Variants in AKT3 observed in about 807,000 individuals in gnomAD.
AKT3 encodes AKT serine/threonine kinase 3, also known as RAC-gamma serine/threonine-protein kinase.
Under a neutral mutation model 65.3 loss-of-function variants are expected in AKT3, and 15 were observed. That is an observed-to-expected ratio of 0.23 (90% CI 0.15 to 0.35). The LOEUF is 0.35. AKT3 is among the 10% of genes least tolerant of loss of function. AKT3 has a pLI of 1.00. For synonymous variants in AKT3, 206 were observed against 183.8 expected, an observed-to-expected ratio of 1.12 and a Z score of -0.98; for missense variants, 243 against 576.5, an observed-to-expected ratio of 0.42 and a Z score of 5.92.
At chr1:243,536,281 A>C (rs938812571) in intron 12 of AKT3, among the ~76,000 whole-genome samples, 1 of 152,084 alleles carries the variant, frequency 6.6e-6, no homozygotes, top group African/African-American at 2.4e-5. Flanking sequence ...TTGGGGACTT[A>C]AGTCACACAT....
At chr1:243,607,194 TCA>T (rs1209273497) in intron 8 of AKT3, among the ~76,000 whole-genome samples, 2 of 152,042 alleles carry the variant, frequency 1.3e-5, no homozygotes, top group Admixed American at 6.6e-5. Flanking sequence ...GAGAAGAGGG[TCA>T]CTGTCCTCCA....
chr1:243,780,966 C>A (rs1180276523), intron 2 of AKT3, among the ~76,000 whole-genome samples: 1 of 151,750 alleles, frequency 6.6e-6, no homozygotes, highest in Non-Finnish European at 1.5e-5. Flanking sequence ...GGAATTACAC[C>A]AAAAATGTTT....
At chr1:243,813,434 A>G (rs191681206) in intron 2 of AKT3, among the ~76,000 whole-genome samples, 1 of 152,052 alleles carries the variant, frequency 6.6e-6, no homozygotes, top group Non-Finnish European at 1.5e-5. Context: ...AGTCACCACT[A>G]AAGAGCTTAC....
At chr1:243,533,547 T>G (rs1671690148) in intron 12 of AKT3, among the ~76,000 whole-genome samples, 1 of 152,096 alleles carries the variant, frequency 6.6e-6, no homozygotes, top group Non-Finnish European at 1.5e-5. Flanking sequence ...GGGCTGGCAG[T>G]TAAAAAAAGT....
chr1:243,796,785 A>C (rs1187164210), intron 2 of AKT3, among the ~76,000 whole-genome samples: 1 of 152,040 alleles, frequency 6.6e-6, no homozygotes, highest in Non-Finnish European at 1.5e-5. Flanking sequence ...CATATTATGG[A>C]GTGTTATTTA....
intron 13 of AKT3, among the ~76,000 whole-genome samples, chr1:243,488,772 G>A (rs545944553): frequency 2.6e-5 from 4 of 152,162 alleles, no homozygotes; most frequent in African/African-American, 7.2e-5. Flanking sequence ...ACTTATCTGC[G>A]TGTTTTCTAA....
At chr1:243,664,051 C>A (rs1682586325) in intron 4 of AKT3, among the ~76,000 whole-genome samples, 1 of 152,076 alleles carries the variant, frequency 6.6e-6, no homozygotes, top group African/African-American at 2.4e-5. Flanking sequence ...CTTAGTGCTC[C>A]AGACAGCCAC....
chr1:243,573,898 T>A (rs573744417), intron 8 of AKT3, among the ~76,000 whole-genome samples: 2 of 152,246 alleles, frequency 1.3e-5, no homozygotes, highest in Non-Finnish European at 2.9e-5. Flanking sequence ...ATTATCTCAA[T>A]TGGACAACAT....
intron 8 of AKT3, among the ~76,000 whole-genome samples, chr1:243,603,701 T>C (rs529585176): frequency 6.6e-6 from 1 of 152,172 alleles, no homozygotes; most frequent in Non-Finnish European, 1.5e-5. Context: ...AAATATAGCA[T>C]GATCTGCTTA....
chr1:243,553,669 C>T (rs1673223005), intron 10 of AKT3, among the ~76,000 whole-genome samples: 1 of 152,162 alleles, frequency 6.6e-6, no homozygotes, highest in East Asian at 1.9e-4. Flanking sequence ...TTAAATTTTT[C>T]CCAAAATATA....
chr1:243,804,044 A>C (rs912562749), intron 2 of AKT3, among the ~76,000 whole-genome samples: 2 of 152,218 alleles, frequency 1.3e-5, no homozygotes, highest in Admixed American at 6.5e-5. Flanking sequence ...CAGCAGAAGA[A>C]GACCCTTGAC....
At chr1:243,710,619 G>A (rs569820608) in intron 2 of AKT3, among the ~76,000 whole-genome samples, 4 of 152,256 alleles carry the variant, frequency 2.6e-5, no homozygotes, top group South Asian at 2.1e-4. Context: ...ATTTACTAGC[G>A]TGGAATGCCG....
intron 2 of AKT3, among the ~76,000 whole-genome samples, chr1:243,707,720 C>T (rs1198177556): frequency 6.6e-6 from 1 of 151,906 alleles, no homozygotes; most frequent in Non-Finnish European, 1.5e-5. Context: ...CTCTTCCTTT[C>T]TTATTACAAA....
At chr1:243,773,986 C>T (rs559370117) in intron 2 of AKT3, among the ~76,000 whole-genome samples, 2 of 152,222 alleles carry the variant, frequency 1.3e-5, no homozygotes, top group Non-Finnish European at 2.9e-5. Context: ...TCTTGGAGAT[C>T]TCTTTTGAAC....
chr1:243,508,464 G>A (rs570934333), intron 13 of AKT3, among the ~76,000 whole-genome samples: 34 of 152,258 alleles, frequency 2.2e-4, no homozygotes, highest in Admixed American at 1.3e-3. Context: ...GAGCTCTTCC[G>A]TCTGACTTTC....
chr1:243,731,797 C>T (rs1231570244), intron 2 of AKT3, among the ~76,000 whole-genome samples: 1 of 152,158 alleles, frequency 6.6e-6, no homozygotes, highest in East Asian at 1.9e-4. Context: ...ATGTACTTCA[C>T]TAACCCTCAG....
chr1:243,611,206 A>G (rs1677846458), intron 8 of AKT3, among the ~76,000 whole-genome samples: 1 of 152,192 alleles, frequency 6.6e-6, no homozygotes, highest in South Asian at 2.1e-4. Context: ...TCCACTCTCC[A>G]TCATAGTTCC....
At chr1:243,748,846 G>C (rs991499743) in intron 2 of AKT3, among the ~76,000 whole-genome samples, 1 of 152,088 alleles carries the variant, frequency 6.6e-6, no homozygotes, top group Non-Finnish European at 1.5e-5. Flanking sequence ...TCTTGAGTAC[G>C]TGTCAAGGTT....
intron 13 of AKT3, among the ~76,000 whole-genome samples, chr1:243,489,589 T>C (rs997781963): frequency 1.3e-5 from 2 of 152,214 alleles, no homozygotes; most frequent in Non-Finnish European, 2.9e-5. Flanking sequence ...AGGCATCTCA[T>C]CCTAAATTAG....
Sources: allele counts gnomAD v4.1 joint callset (sites outside exome capture counted in the v4.1 genomes callset), GRCh38; gene constraint gnomAD v4.1.1; transcripts MANE v1.5; gene names NCBI Gene and HGNC (gene_info 2026-07-23, HGNC 2026-07-21).